ENTREP2: variants seen among roughly 807,000 people sequenced by gnomAD.
ENTREP2 encodes the protein protein ENTREP2.
At chr15:29,578,798 T>C in the ENTREP2 span, among the ~76,000 whole-genome samples, 1 of 149,164 alleles carries the variant, frequency 6.7e-6, no homozygotes, top group African/African-American at 2.5e-5. Flanking sequence ...AAGCTAATTC[T>C]GTATCTTAAA....
the ENTREP2 span, chr15:29,381,838 G>A: frequency 1.3e-6 from 2 of 1,551,468 alleles, no homozygotes; most frequent in Admixed American, 2.0e-5. Flanking sequence ...GCACCTGGAA[G>A]GACAAAAGAT....
At chr15:29,444,302 G>C in the ENTREP2 span, among the ~76,000 whole-genome samples, 4 of 152,140 alleles carry the variant, frequency 2.6e-5, no homozygotes, top group Non-Finnish European at 5.9e-5. Context: ...ATTCTTCTCA[G>C]GCTCAGCAAA....
chr15:29,256,000 C>CAA, the ENTREP2 span, among the ~76,000 whole-genome samples: 4 of 112,432 alleles, frequency 3.6e-5, no homozygotes, highest in South Asian at 2.8e-4. Flanking sequence ...GAGTCCGTCT[C>CAA]AAAAAAAAAA....
the ENTREP2 span, among the ~76,000 whole-genome samples, chr15:29,344,625 A>T: frequency 6.6e-6 from 1 of 152,010 alleles, no homozygotes; most frequent in Non-Finnish European, 1.5e-5. Context: ...GCCTTAGTTG[A>T]CCCAGCTACT....
chr15:29,662,320 A>G, the ENTREP2 span, among the ~76,000 whole-genome samples: 1 of 152,094 alleles, frequency 6.6e-6, no homozygotes, highest in South Asian at 2.1e-4. Flanking sequence ...AGGAAAATGG[A>G]GATTCTGGGA....
chr15:29,155,054 G>A, the ENTREP2 span, among the ~76,000 whole-genome samples: 1 of 151,664 alleles, frequency 6.6e-6, no homozygotes, highest in Non-Finnish European at 1.5e-5. Context: ...AGGCCAAGGT[G>A]GGTGGATCAC....
chr15:29,234,792 C>T, the ENTREP2 span: 2 of 1,477,992 alleles, frequency 1.4e-6, no homozygotes, highest in Admixed American at 1.7e-5. Context: ...ACTCCATCTC[C>T]AGAGCAGGAT....
At chr15:29,138,210 T>C in the ENTREP2 span, among the ~76,000 whole-genome samples, 3 of 151,938 alleles carry the variant, frequency 2.0e-5, no homozygotes, top group Non-Finnish European at 4.4e-5. Context: ...AACATTCTAC[T>C]GGCCAACCTT....
At chr15:29,355,815 T>C in the ENTREP2 span, among the ~76,000 whole-genome samples, 1 of 152,162 alleles carries the variant, frequency 6.6e-6, no homozygotes, top group Non-Finnish European at 1.5e-5. Context: ...GTAAGAGAGC[T>C]GAAGTCAGAT....
At chr15:29,495,768 G>GT in the ENTREP2 span, among the ~76,000 whole-genome samples, 3 of 152,052 alleles carry the variant, frequency 2.0e-5, no homozygotes, top group South Asian at 6.2e-4. Flanking sequence ...ATTGGTCTAT[G>GT]TGTCTGTTTT....
chr15:29,232,335 C>T, the ENTREP2 span, among the ~76,000 whole-genome samples: 6 of 152,136 alleles, frequency 3.9e-5, no homozygotes, highest in South Asian at 2.1e-4. Flanking sequence ...TTAATTTCTG[C>T]GTTACTATTG....
At chr15:29,650,390 C>T in the ENTREP2 span, among the ~76,000 whole-genome samples, 192 of 151,748 alleles carry the variant, frequency 1.3e-3, 1 homozygote, top group African/African-American at 4.4e-3. Flanking sequence ...ATCAGGAGTT[C>T]AAGACCAGCC....
At chr15:29,291,232 G>A in the ENTREP2 span, among the ~76,000 whole-genome samples, 1 of 152,180 alleles carries the variant, frequency 6.6e-6, no homozygotes, top group African/African-American at 2.4e-5. Flanking sequence ...GCTACGTTAA[G>A]CCATTGAAAT....
chr15:29,599,811 G>A, the ENTREP2 span, among the ~76,000 whole-genome samples: 2 of 152,214 alleles, frequency 1.3e-5, no homozygotes, highest in Admixed American at 6.5e-5. Flanking sequence ...AAGATTTATG[G>A]CTTCCTTTAA....
the ENTREP2 span, among the ~76,000 whole-genome samples, chr15:29,594,054 A>G: frequency 6.6e-6 from 1 of 152,004 alleles, no homozygotes; most frequent in South Asian, 2.1e-4. Flanking sequence ...CTTCCTGCAC[A>G]TTTTTTTTGC....
At chr15:29,158,163 T>G in the ENTREP2 span, among the ~76,000 whole-genome samples, 1 of 152,230 alleles carries the variant, frequency 6.6e-6, no homozygotes, top group East Asian at 1.9e-4. Flanking sequence ...ATTTCGCATA[T>G]GCTACCAAAT....
chr15:29,240,993 C>T, the ENTREP2 span, among the ~76,000 whole-genome samples: 1 of 152,246 alleles, frequency 6.6e-6, no homozygotes, highest in South Asian at 2.1e-4. Flanking sequence ...CAAACATATA[C>T]TAAAATGTGT....
At chr15:29,346,959 G>A in the ENTREP2 span, among the ~76,000 whole-genome samples, 2 of 152,204 alleles carry the variant, frequency 1.3e-5, no homozygotes, top group African/African-American at 4.8e-5. Context: ...CATAGGCCAA[G>A]AGTTAAAACT....
the ENTREP2 span, among the ~76,000 whole-genome samples, chr15:29,459,345 TC>T: frequency 3.3e-5 from 5 of 152,162 alleles, no homozygotes; most frequent in African/African-American, 1.2e-4. Flanking sequence ...GTGTGACATT[TC>T]CTGGGAGGGT....
Sources: allele counts gnomAD v4.1 joint callset (sites outside exome capture counted in the v4.1 genomes callset), GRCh38; gene constraint gnomAD v4.1.1; transcripts MANE v1.5; gene names NCBI Gene and HGNC (gene_info 2026-07-23, HGNC 2026-07-21).